ASPSCR1: variants seen among roughly 807,000 people sequenced by gnomAD.
ASPSCR1 encodes the protein ASPSCR1 tether for SLC2A4, UBX domain containing.
A neutral mutation model predicts 68.9 loss-of-function variants in ASPSCR1; 55 were observed. That is an observed-to-expected ratio of 0.80 (90% CI 0.64 to 1.00). ASPSCR1 has a LOEUF of 1.00. Ranked by LOEUF, ASPSCR1 falls within the 50% of genes least tolerant of loss-of-function variation. The probability of loss-of-function intolerance (pLI) is 0.00; values close to 1 mark genes in which losing one functional copy is unlikely to be tolerated. For synonymous variants in ASPSCR1, 352 were observed against 332.6 expected, an observed-to-expected ratio of 1.06 and a Z score of -0.63; for missense variants, 765 against 762.2, an observed-to-expected ratio of 1.00 and a Z score of -0.04.
chr17:82,009,268 C>CCCAGTGCCAGCACTGGCT, intron 8 of ASPSCR1, 77 bp downstream of exon 8: 1 of 1,487,400 alleles, frequency 6.7e-7, no homozygotes, highest in South Asian at 1.3e-5. Flanking sequence ...GCCCGCTGTC[C>CCCAGTGCCAGCACTGGCT]CCAGTGCCAG....
chr17:81,997,653 T>C (rs2042397205), intron 7 of ASPSCR1, among the ~76,000 whole-genome samples: 1 of 149,834 alleles, frequency 6.7e-6, no homozygotes, highest in African/African-American at 2.4e-5. Flanking sequence ...CAAGCCCAGC[T>C]AATTTTTTTG....
chr17:82,008,795 T>C (rs2042809889), intron 7 of ASPSCR1: 1 of 466,326 alleles, frequency 2.1e-6, no homozygotes, highest in Admixed American at 4.2e-5. Flanking sequence ...TCAGGTCTGG[T>C]GCACTGACTG....
Position 81,999,824 on chromosome 17 carries a change from G to C in ASPSCR1, c.933+2978G>C, listed in dbSNP as rs1314233575. The stretch of plus-strand genomic sequence containing the variant: ...CTCTTGCCTCCCGGCCACACACCTG[G>C]GAGGGCAGAGGCCGGGCGTCTGCAC... On this transcript the variant is annotated intron_variant, in intron 7 of 15. Coordinates refer to ENST00000306739, the MANE Select transcript of ASPSCR1 (RefSeq NM_024083.4). This position sits in a 1 kb window ranked among gnomAD's most constrained non-coding sequence, Gnocchi z 4.4. Among the ~76,000 whole-genome samples the C allele has an allele frequency of 6.6e-6, 1 of 152,160 alleles. No individual in the cohort carries two copies. Among genetic ancestry groups the C allele is most frequent in the Non-Finnish European group, 1.5e-5 (1 of 68,012 alleles).
chr17:82,015,308 C>CCTT, intron 12 of ASPSCR1: 1 of 1,598,206 alleles, frequency 6.3e-7, no homozygotes, highest in East Asian at 2.2e-5. Context: ...CGAGCAGTGG[C>CCTT]GATCCCTCCC....
chr17:81,997,491 T>G (rs1184832645), intron 7 of ASPSCR1, among the ~76,000 whole-genome samples: 2 of 147,974 alleles, frequency 1.4e-5, no homozygotes, highest in Non-Finnish European at 3.0e-5. Context: ...TTCTGGGTTT[T>G]TTTTTTTTTT....
chr17:82,015,106 C>T, intron 12 of ASPSCR1: 2 of 1,598,190 alleles, frequency 1.3e-6, no homozygotes, highest in Non-Finnish European at 1.7e-6. Flanking sequence ...GCTCCATTCA[C>T]CCTGGGTCCC....
rs1054908492 is a variant in ASPSCR1 at position 81,999,164 on chromosome 17, C to T, written c.933+2318C>T. Among the ~76,000 whole-genome samples, 5 of 152,212 alleles carry T rather than the reference C, an allele frequency of 3.3e-5. No homozygotes were observed. Among genetic ancestry groups the T allele is most frequent in the African/African-American group, 1.2e-4 (5 of 41,470 alleles). ...GACTGGGGGACTGTCATGCGGCTTT[C>T]GGTGACAGGGATGGGAGGAGGCTGT... On this transcript the variant is annotated intron_variant, in intron 7 of 15. Transcript: ENST00000306739. The surrounding 1 kb of genome is among the most constrained non-coding windows in gnomAD (Gnocchi z 4.4).
chr17:81,994,812 T>A lies in ASPSCR1; in HGVS notation c.375-9T>A, dbSNP rs550059650. ...GGGGTACCTGATGGTTTCTTTCCTC[T>A]CCTCCCAGGGAGTGCCTGCAGCACC... is the stretch of plus-strand genomic sequence containing the variant. On this transcript the variant is annotated splice_polypyrimidine_tract_variant and intron_variant, in intron 4 of 15. Coordinates refer to ENST00000306739, the MANE Select transcript of ASPSCR1 (RefSeq NM_024083.4). 2.5e-6 allele frequency: 4 copies of A among 1,613,078 alleles called. No individual in the cohort carries two copies. Among genetic ancestry groups the A allele is most frequent in the South Asian group, 2.2e-5 (2 of 91,072 alleles).
rs777380473 is a variant in ASPSCR1 at position 81,996,793 on chromosome 17, G to A, written c.880G>A (p.Glu294Lys). 26 of 1,608,538 alleles carry A rather than the reference G, an allele frequency of 1.6e-5. No homozygotes were observed. The highest frequency in any genetic ancestry group is 3.3e-4 in the Middle Eastern group (2 of 5,996). The change falls in exon 7 of 16, where the codon GAG becomes AAG. Residue 294 changes from glutamate to lysine, a missense_variant. Transcript: ENST00000306739. ...CAAGTCGGGCCAGGATCCCCAGCAG[G>A]AGCAGGAGCAGGAGCGGGAGCGGGA... ...KSKSGQDPQQEQEQERERDPQ... is the reference protein window; with the variant it reads ...KSKSGQDPQQKQEQERERDPQ...
intron 4 of ASPSCR1, among the ~76,000 whole-genome samples, chr17:81,988,610 C>T (rs919637885): frequency 1.4e-4 from 22 of 152,160 alleles, no homozygotes; most frequent in Non-Finnish European, 1.8e-4. Flanking sequence ...TGTGTCTGCA[C>T]GTACACCTCA....
chr17:82,016,445 C>G (rs1343221566), intron 12 of ASPSCR1, 31 bp from the exon 13 acceptor site: 2 of 1,541,546 alleles, frequency 1.3e-6, no homozygotes, highest in Non-Finnish European at 1.7e-6. Context: ...CTGCCCACAC[C>G]CGGCCCCTGA....
intron 4 of ASPSCR1, among the ~76,000 whole-genome samples, chr17:81,991,691 T>A: frequency 6.6e-6 from 1 of 152,358 alleles, no homozygotes; most frequent in East Asian, 1.9e-4. Flanking sequence ...AGGCTCTGTC[T>A]AGCCGCTTGG....
chr17:81,997,778 C>G (rs1357429034), intron 7 of ASPSCR1, among the ~76,000 whole-genome samples: 3 of 151,754 alleles, frequency 2.0e-5, no homozygotes, highest in Admixed American at 6.6e-5. Context: ...CGTGAGCCAC[C>G]GCGCCCAGCT....
chr17:81,994,268 G>A (rs1239932907), intron 4 of ASPSCR1, among the ~76,000 whole-genome samples: 5 of 152,244 alleles, frequency 3.3e-5, no homozygotes, highest in Admixed American at 3.3e-4. Flanking sequence ...TATAAGCACG[G>A]CCTCCCCGGC....
In ASPSCR1 at chr17:81,979,239, A is replaced by G. The variant is rs755159815; in HGVS notation, c.158A>G (p.Lys53Arg). ...QDFNPCEYDL[K>R]FQRSVLDLSL... ...TTCAACCCCTGTGAATATGATCTGA[A>G]GTGAGTTTGCTCCAGCTCAGCAGCA... The change falls in exon 2 of 16, where the codon AAG (lysine) becomes AGG (arginine). Residue 53 changes from lysine to arginine, a missense_variant and splice_region_variant. Transcript: ENST00000306739. 2.5e-6 allele frequency: 4 copies of G among 1,613,914 alleles called. No homozygotes were observed. The highest frequency in any genetic ancestry group is 1.7e-4 in the Middle Eastern group (1 of 6,060).
chr17:82,012,646 T>C (rs2042990259), intron 12 of ASPSCR1, among the ~76,000 whole-genome samples: 1 of 152,124 alleles, frequency 6.6e-6, no homozygotes, highest in Non-Finnish European at 1.5e-5. Context: ...GGAGCAGGGC[T>C]CAGGGAGCCC....
At chr17:82,011,396 C>G in intron 10 of ASPSCR1, 147 bp from the exon 11 acceptor site, 1 of 776,432 alleles carries the variant, frequency 1.3e-6, no homozygotes, top group South Asian at 1.9e-5. Context: ...CCACGCCGAG[C>G]ACCTGGAGTG....
chr17:81,985,065 C>G (rs940764900), intron 3 of ASPSCR1, among the ~76,000 whole-genome samples: 2 of 146,104 alleles, frequency 1.4e-5, no homozygotes, highest in African/African-American at 5.2e-5. Context: ...CACCCACGCA[C>G]ACACCTGTAC....
At chr17:82,000,973 C>T (rs2042510995) in intron 7 of ASPSCR1, among the ~76,000 whole-genome samples, 3 of 152,226 alleles carry the variant, frequency 2.0e-5, no homozygotes, top group South Asian at 2.1e-4. Flanking sequence ...TCTGCCCGCA[C>T]GGGCTGGCGG....
Sources: gnomAD v4.1 joint callset for allele counts (sites outside exome capture counted in the v4.1 genomes callset) on GRCh38, gnomAD v4.1.1 for gene constraint, Gnocchi (gnomAD v3.1) non-coding constraint, MANE v1.5 for transcripts, NCBI Gene and HGNC (gene_info 2026-07-23, HGNC 2026-07-21) for gene names.